Variants in CRTC1 observed in about 807,000 individuals in gnomAD.
CRTC1 encodes the protein CREB-regulated transcription coactivator 1.
Under a neutral mutation model 66.1 loss-of-function variants are expected in CRTC1, and 18 were observed. The observed-to-expected ratio is 0.27, with a 90% CI of 0.19 to 0.40. The LOEUF (loss-of-function observed/expected upper bound fraction) is 0.40, where lower values mean the gene tolerates loss of function less well. Among genes scored for constraint, CRTC1 ranks in the 10% least tolerant of loss-of-function variants. The pLI is 1.00. For synonymous variants in CRTC1, 416 were observed against 398.8 expected, an observed-to-expected ratio of 1.04 and a Z score of -0.51; for missense variants, 669 against 887.9, an observed-to-expected ratio of 0.75 and a Z score of 3.13.
chr19:18,755,578 T>A (rs1424073679), intron 6 of CRTC1, among the ~76,000 whole-genome samples: 1 of 146,820 alleles, frequency 6.8e-6, no homozygotes, highest in Non-Finnish European at 1.5e-5. Context: ...TATAGGAGCG[T>A]GCCACCAAAC....
In CRTC1 at chr19:18,759,902, G is replaced by C. The variant is rs78388103; in HGVS notation, c.666-106G>C. The C allele has an allele frequency of 5.5e-5, 50 of 905,486 alleles. No homozygotes were observed. In the East Asian group the frequency reaches 1.2e-3, roughly 21 times the overall value. 56.1% of individuals were successfully genotyped at this position (905,486 alleles called of 1,614,324 possible). ...TTTCCCAAGCACACGGCACCTGATG[G>C]GGGGTGGCCTTTTGCACCCGCTGAT... On this transcript the variant is annotated intron_variant, in intron 7 of 13. Coordinates refer to ENST00000321949, the MANE Select transcript of CRTC1 (RefSeq NM_015321.3).
intron 1 of CRTC1, among the ~76,000 whole-genome samples, chr19:18,689,583 A>ATATATATATATATATATATGTATG (rs60084986): frequency 1.1e-4 from 7 of 65,724 alleles, no homozygotes; most frequent in African/African-American, 6.7e-4. Context: ...ATATATATAT[A>ATATATATATATATATATATGTATG]TATGTAATAT....
rs569710105 is a variant in CRTC1 at position 18,771,801 on chromosome 19, C to A, written c.1425+255C>A. ...ACTAGGTGGGGGTGTGCGTTAGTGA[C>A]ATTAGCGATGGCTGTGGCCCTGCCT... On this transcript the variant is annotated intron_variant, in intron 11 of 13. Coordinates refer to ENST00000321949, the MANE Select transcript of CRTC1 (RefSeq NM_015321.3). This position sits in a 1 kb window ranked among gnomAD's most constrained non-coding sequence, Gnocchi z 4.6. Among the ~76,000 whole-genome samples the A allele has an allele frequency of 6.6e-6, 1 of 152,322 alleles. No individual in the cohort carries two copies. Among genetic ancestry groups the A allele is most frequent in the African/African-American group, 2.4e-5 (1 of 41,558 alleles).
At chr19:18,696,119 C>T (rs984043197) in intron 1 of CRTC1, among the ~76,000 whole-genome samples, 2 of 152,286 alleles carry the variant, frequency 1.3e-5, no homozygotes, top group African/African-American at 4.8e-5. Flanking sequence ...GAGTGGGAGA[C>T]AGGCCCGGAG....
chr19:18,754,172 T>C (rs1160065415), intron 6 of CRTC1, among the ~76,000 whole-genome samples: 2 of 151,860 alleles, frequency 1.3e-5, no homozygotes, highest in South Asian at 2.1e-4. Context: ...CAATGCAAAT[T>C]ACTCCTCCCC....
Position 18,683,696 on chromosome 19 carries a change from C to T in CRTC1, c.-7C>T, listed in dbSNP as rs1423747508. 5 of 1,392,774 alleles carry T rather than the reference C, an allele frequency of 3.6e-6. No homozygotes were observed. The highest frequency in any genetic ancestry group is 2.3e-5 in the Admixed American group (1 of 43,158). The allele number at this position is 1,392,774 out of a possible 1,614,324, so 86.3% of individuals were successfully genotyped here. On this transcript the variant is annotated 5_prime_UTR_variant, in exon 1 of 14. Transcript: ENST00000321949. ...GAGGAGGAGGAGGAGGAGGTGGCGG[C>T]GAGAAGATGGCGACTTCGAACAATC...
intron 1 of CRTC1, among the ~76,000 whole-genome samples, chr19:18,701,214 A>G (rs4808845): frequency 0.5 from 76,859 of 152,232 alleles, 20,963 homozygotes; most frequent in East Asian, 0.86. Context: ...GCCCGCCCCC[A>G]GAGCCCGGGG....
At chr19:18,743,959 A>G (rs1600910456) in intron 2 of CRTC1, 1 of 714,064 alleles carries the variant, frequency 1.4e-6, no homozygotes, top group Non-Finnish European at 2.3e-6. Context: ...GCACCTTGCA[A>G]GCTCAGCCTG....
chr19:18,729,201 G>A (rs1388838992), intron 1 of CRTC1, among the ~76,000 whole-genome samples: 2 of 149,790 alleles, frequency 1.3e-5, no homozygotes, highest in Non-Finnish European at 3.0e-5. Flanking sequence ...CGAGGTGGGC[G>A]GATCACGAGG....
chr19:18,699,581 TGAGCTG>T (rs963305607), intron 1 of CRTC1, among the ~76,000 whole-genome samples: 1 of 152,192 alleles, frequency 6.6e-6, no homozygotes, highest in African/African-American at 2.4e-5. Context: ...GCATCTCCTG[TGAGCTG>T]GCCCCGGAGA....
At chr19:18,751,091 G>A (rs931633996) in intron 5 of CRTC1, among the ~76,000 whole-genome samples, 11 of 152,190 alleles carry the variant, frequency 7.2e-5, no homozygotes, top group African/African-American at 2.4e-4. Context: ...GCCTGAGGTG[G>A]TGACAGGGCT....
intron 1 of CRTC1, 52 bp downstream of exon 1, chr19:18,683,880 GGC>G: frequency 1.0e-6 from 1 of 997,828 alleles, no homozygotes; most frequent in Non-Finnish European, 1.2e-6. Flanking sequence ...GGAGGGAGGG[GGC>G]GCGTGTCCGG....
intron 2 of CRTC1, among the ~76,000 whole-genome samples, chr19:18,745,548 C>T (rs1318343838): frequency 6.6e-6 from 1 of 152,180 alleles, no homozygotes; most frequent in African/African-American, 2.4e-5. Flanking sequence ...CGAGCTTGTG[C>T]CGCTCTGCCT....
intron 1 of CRTC1, among the ~76,000 whole-genome samples, chr19:18,700,021 G>A (rs2053094162): frequency 1.3e-5 from 2 of 152,142 alleles, no homozygotes; most frequent in South Asian, 4.1e-4. Flanking sequence ...CATGGATCCT[G>A]AGCCTGATTC....
At chr19:18,751,046 A>G (rs1444349332) in intron 5 of CRTC1, among the ~76,000 whole-genome samples, 1 of 152,162 alleles carries the variant, frequency 6.6e-6, no homozygotes, top group African/African-American at 2.4e-5. Flanking sequence ...GGGGCCTGGC[A>G]GGGACACATC....
At chr19:18,752,935 G>A (rs941276031) in intron 5 of CRTC1, among the ~76,000 whole-genome samples, 3 of 150,358 alleles carry the variant, frequency 2.0e-5, no homozygotes, top group Non-Finnish European at 4.4e-5. Context: ...ACCACGCCCA[G>A]CCTATTTTTT....
At chr19:18,766,894 G>T (rs2145834036) in intron 9 of CRTC1, among the ~76,000 whole-genome samples, 1 of 152,192 alleles carries the variant, frequency 6.6e-6, no homozygotes, top group Non-Finnish European at 1.5e-5. Context: ...TCTATTTTTT[G>T]GAAGTATTTT....
chr19:18,777,830 T>G lies in CRTC1; in HGVS notation c.*448T>G. 3.5e-6 allele frequency: 1 copy of G among 286,688 alleles called. No homozygotes were observed. Among genetic ancestry groups the G allele is most frequent in the Admixed American group, 5.5e-5 (1 of 18,222 alleles). The allele number at this position is 286,688 out of a possible 1,614,324, so 17.8% of individuals were successfully genotyped here. A position where few individuals can be genotyped will look rare whatever the true frequency, so the allele number is the denominator to read the frequency against. ...TCTCACTGCCTTCCTTGGTTCCCGG[T>G]CCCCCAGCCCATCCGCCATCCCCAG... On this transcript the variant is annotated 3_prime_UTR_variant, in exon 14 of 14. Coordinates refer to ENST00000321949, the MANE Select transcript of CRTC1 (RefSeq NM_015321.3). The surrounding 1 kb of genome is among the most constrained non-coding windows in gnomAD (Gnocchi z 5.5).
intron 1 of CRTC1, among the ~76,000 whole-genome samples, chr19:18,705,821 T>C (rs1226048140): frequency 6.6e-6 from 1 of 152,120 alleles, no homozygotes; most frequent in Non-Finnish European, 1.5e-5. Context: ...AAAAATGATA[T>C]TTTGATAGGG....
Sources: allele counts gnomAD v4.1 joint callset (sites outside exome capture counted in the v4.1 genomes callset), GRCh38; gene constraint gnomAD v4.1.1; non-coding constraint Gnocchi (gnomAD v3.1); transcripts MANE v1.5; gene names NCBI Gene and HGNC (gene_info 2026-07-23, HGNC 2026-07-21).